Variants in RBFOX1 observed in about 807,000 individuals in gnomAD.
The protein encoded by RBFOX1 is RNA binding protein fox-1 homolog 1.
Under a neutral mutation model 57.7 loss-of-function variants are expected in RBFOX1, and 8 were observed. The observed-to-expected ratio is 0.14, with a 90% confidence interval of 0.08 to 0.25. The LOEUF is 0.25. Ranked by LOEUF, RBFOX1 falls within the 10% of genes least tolerant of loss-of-function variation. RBFOX1 has a pLI of 1.00. For missense variants in RBFOX1, 611 were observed against 548.5 expected (o/e 1.11, Z -1.14); for synonymous variants, 326 against 222.4 (o/e 1.47, Z -4.15).
At chr16:5,542,317 C>T (rs975919101) in intron 2 of RBFOX1, among the ~76,000 whole-genome samples, 4 of 147,134 alleles carry the variant, frequency 2.7e-5, no homozygotes, top group Admixed American at 6.9e-5. Flanking sequence ...GGCACGATCT[C>T]GGCTCACTGC....
intron 2 of RBFOX1, among the ~76,000 whole-genome samples, chr16:6,560,569 G>C (rs756368239): frequency 7.2e-5 from 11 of 152,170 alleles, no homozygotes; most frequent in Admixed American, 3.9e-4. Context: ...AATGAGTTGA[G>C]GGAAGAAGCA....
At chr16:6,591,215 G>C (rs1054703443) in intron 2 of RBFOX1, among the ~76,000 whole-genome samples, 11 of 152,314 alleles carry the variant, frequency 7.2e-5, no homozygotes, top group African/African-American at 2.4e-4. Context: ...GGAGGCCAAG[G>C]AGGGTGGATC....
intron 2 of RBFOX1, among the ~76,000 whole-genome samples, chr16:5,574,824 C>T (rs2046401086): frequency 1.3e-5 from 2 of 152,186 alleles, no homozygotes; most frequent in South Asian, 4.1e-4. Flanking sequence ...ATTTTGTTGT[C>T]TCATTTTGCA....
intron 4 of RBFOX1, among the ~76,000 whole-genome samples, chr16:7,217,054 T>TCCCTCCCTTC (rs1603293432): frequency 1.3e-5 from 1 of 77,014 alleles, no homozygotes; most frequent in Non-Finnish European, 2.3e-5. Context: ...CCTCCCTCCC[T>TCCCTCCCTTC]CTCTCTCCCT....
chr16:7,012,041 T>G (rs1335677417), intron 3 of RBFOX1, among the ~76,000 whole-genome samples: 2 of 152,092 alleles, frequency 1.3e-5, no homozygotes, highest in East Asian at 3.9e-4. Context: ...AATCAGATTA[T>G]CCAGACCTCC....
chr16:6,873,163 C>A (rs184921676), intron 3 of RBFOX1, among the ~76,000 whole-genome samples: 62 of 150,744 alleles, frequency 4.1e-4, no homozygotes, highest in African/African-American at 1.4e-3. Flanking sequence ...AGCAGACTTT[C>A]CTCCTGAAGC....
intron 3 of RBFOX1, among the ~76,000 whole-genome samples, chr16:5,783,158 C>T (rs1006458488): frequency 1.4e-4 from 19 of 137,612 alleles, no homozygotes; most frequent in Non-Finnish European, 2.1e-4. Context: ...ATACGATTTA[C>T]ATGCAAAAAC....
intron 3 of RBFOX1, among the ~76,000 whole-genome samples, chr16:5,771,178 A>G (rs1054186189): frequency 2.0e-5 from 3 of 152,246 alleles, no homozygotes; most frequent in African/African-American, 7.2e-5. Context: ...CTCCCTAGAC[A>G]CAGCGGGGCT....
intron 3 of RBFOX1, among the ~76,000 whole-genome samples, chr16:7,007,928 A>G (rs529932416): frequency 1.3e-5 from 2 of 152,184 alleles, no homozygotes; most frequent in Non-Finnish European, 2.9e-5. Context: ...GGGGCCTCCT[A>G]GTACAACAGG....
intron 2 of RBFOX1, among the ~76,000 whole-genome samples, chr16:6,422,788 A>G (rs1026120177): frequency 4.5e-4 from 69 of 152,252 alleles, no homozygotes; most frequent in African/African-American, 1.6e-3. Context: ...GCTGTGAGCC[A>G]ACCACCTCCC....
At chr16:5,309,247 T>A (rs534271263) in intron 1 of RBFOX1, among the ~76,000 whole-genome samples, 47 of 152,346 alleles carry the variant, frequency 3.1e-4, no homozygotes, top group African/African-American at 1.0e-3. Flanking sequence ...GTCTTAGTGT[T>A]TAAAAGGTTT....
intron 3 of RBFOX1, among the ~76,000 whole-genome samples, chr16:6,666,403 T>G (rs1039463334): frequency 6.6e-6 from 1 of 152,032 alleles, no homozygotes; most frequent in African/African-American, 2.4e-5. Context: ...GGTGTGGTGG[T>G]GGGCACCTAT....
At chr16:6,697,789 A>T (rs1017112112) in intron 3 of RBFOX1, among the ~76,000 whole-genome samples, 2 of 152,162 alleles carry the variant, frequency 1.3e-5, no homozygotes, top group Non-Finnish European at 1.5e-5. Flanking sequence ...AGAAGACCCA[A>T]CCTTGGTATT....
chr16:5,738,310 C>A (rs889148702), intron 3 of RBFOX1, among the ~76,000 whole-genome samples: 7 of 151,768 alleles, frequency 4.6e-5, no homozygotes, highest in Non-Finnish European at 1.0e-4. Context: ...TATATATCAA[C>A]AACGCTGTTT....
intron 4 of RBFOX1, among the ~76,000 whole-genome samples, chr16:7,274,551 C>T (rs975501055): frequency 3.9e-5 from 6 of 152,176 alleles, no homozygotes; most frequent in African/African-American, 1.4e-4. Flanking sequence ...GCTTCTGACA[C>T]TAACCTTAAA....
intron 1 of RBFOX1, among the ~76,000 whole-genome samples, chr16:6,224,552 T>C (rs894799164): frequency 2.0e-5 from 3 of 152,148 alleles, no homozygotes; most frequent in Non-Finnish European, 4.4e-5. Context: ...ATTTTTAAAG[T>C]CACTGCAGTT....
intron 1 of RBFOX1, among the ~76,000 whole-genome samples, chr16:6,267,890 C>T (rs533647982): frequency 2.0e-5 from 3 of 152,138 alleles, no homozygotes; most frequent in East Asian, 1.9e-4. Context: ...TGGGCTATTA[C>T]CTTTTTATAT....
chr16:7,481,078 C>T (rs2063820676), intron 4 of RBFOX1, among the ~76,000 whole-genome samples: 1 of 152,178 alleles, frequency 6.6e-6, no homozygotes, highest in African/African-American at 2.4e-5. Flanking sequence ...CTTCCTATTG[C>T]TCCTTACATC....
At chr16:5,742,976 A>C (rs905342255) in intron 3 of RBFOX1, among the ~76,000 whole-genome samples, 2 of 152,222 alleles carry the variant, frequency 1.3e-5, no homozygotes, top group African/African-American at 4.8e-5. Context: ...GTGCTGGGTC[A>C]GGCAGGAGGC....
Sources: allele counts gnomAD v4.1 joint callset (sites outside exome capture counted in the v4.1 genomes callset), GRCh38; gene constraint gnomAD v4.1.1; transcripts MANE v1.5; gene names NCBI Gene and HGNC (gene_info 2026-07-23, HGNC 2026-07-21).